The following XYLT1 variants were observed in gnomAD, a reference collection of about 807,000 sequenced individuals.
XYLT1 encodes xylosyltransferase 1.
XYLT1 carries 36 observed loss-of-function variants against 91.3 expected under a neutral mutation model. The ratio of observed to expected loss-of-function variants is 0.39; its 90% CI spans 0.30 to 0.52. XYLT1 has a LOEUF of 0.52. Among genes scored for constraint, XYLT1 ranks in the 20% least tolerant of loss-of-function variants. The pLI is 0.68. For synonymous variants in XYLT1, 588 were observed against 532.0 expected (o/e 1.11, Z -1.45); for missense variants, 1,242 against 1,284.5 (o/e 0.97, Z 0.51).
intron 1 of XYLT1, among the ~76,000 whole-genome samples, chr16:17,424,938 A>C (rs1185102738): frequency 6.6e-6 from 1 of 151,506 alleles, no homozygotes; most frequent in Non-Finnish European, 1.5e-5. Flanking sequence ...AGGTACAGAC[A>C]TCACCACCAC....
At chr16:17,194,529 A>G (rs1218856017) in intron 5 of XYLT1, among the ~76,000 whole-genome samples, 1 of 152,094 alleles carries the variant, frequency 6.6e-6, no homozygotes, top group Non-Finnish European at 1.5e-5. Flanking sequence ...AGCCCCTAAG[A>G]CTGAGGAACA....
intron 1 of XYLT1, among the ~76,000 whole-genome samples, chr16:17,442,008 T>C (rs377548175): frequency 6.6e-6 from 1 of 151,696 alleles, no homozygotes; most frequent in East Asian, 2.0e-4. Context: ...GAGATTAACA[T>C]TTGCACTGGT....
intron 1 of XYLT1, among the ~76,000 whole-genome samples, chr16:17,376,364 C>T (rs2035601539): frequency 6.6e-6 from 1 of 152,186 alleles, no homozygotes; most frequent in Non-Finnish European, 1.5e-5. Context: ...CAGAGGTAGG[C>T]CAACCACAGC....
chr16:17,470,920 G>GGCTGCCGCTCGGGCT lies in XYLT1; in HGVS notation c.-125_-124insAGCCCGAGCGGCAGC. Reference sequence around the variant, plus strand: ...GGCTCCCGCTCGGGCCGCCGCCGCCGCCCCCCTCCCCACACCCCTGTCCCC... The same window carrying GGCTGCCGCTCGGGCT: ...GGCTCCCGCTCGGGCCGCCGCCGCCGGCTGCCGCTCGGGCTCCCCCCTCCCCACACCCCTGTCCCC... On this transcript the variant is annotated 5_prime_UTR_variant, in exon 1 of 12. Coordinates refer to ENST00000261381, the MANE Select transcript of XYLT1 (RefSeq NM_022166.4). 1 of 2 alleles carries GGCTGCCGCTCGGGCT rather than the reference G, an allele frequency of 0.5. No individual in the cohort carries two copies. The highest frequency in any genetic ancestry group is 0.5 in the Non-Finnish European group (1 of 2). The allele number at this position is 2 out of a possible 1,614,324, so 0.0% of individuals were successfully genotyped here. A position where few individuals can be genotyped will look rare whatever the true frequency, so the allele number is the denominator to read the frequency against.
At chr16:17,333,693 T>C (rs1309866142) in intron 2 of XYLT1, among the ~76,000 whole-genome samples, 1 of 150,592 alleles carries the variant, frequency 6.6e-6, no homozygotes, top group African/African-American at 2.4e-5. Flanking sequence ...GTTCAAGCAA[T>C]TCTCCTGCCC....
intron 8 of XYLT1, among the ~76,000 whole-genome samples, chr16:17,135,693 T>TG (rs2030691681): frequency 6.6e-6 from 1 of 152,154 alleles, no homozygotes; most frequent in African/African-American, 2.4e-5. Flanking sequence ...AGCAAGTCAC[T>TG]ATCAGAGATG....
chr16:17,278,732 T>C (rs1462145077), intron 2 of XYLT1, among the ~76,000 whole-genome samples: 1 of 151,906 alleles, frequency 6.6e-6, no homozygotes. Flanking sequence ...TATTATCCGA[T>C]GAGATAGAAA....
intron 3 of XYLT1, among the ~76,000 whole-genome samples, chr16:17,212,623 A>AC (rs1025961149): frequency 6.0e-5 from 9 of 150,654 alleles, no homozygotes; most frequent in African/African-American, 2.2e-4. Flanking sequence ...GTCTCCCTCC[A>AC]CCCCCGACCA....
chr16:17,118,017 G>C (rs761669636), intron 10 of XYLT1, 38 bp from the exon 11 acceptor site: 3 of 1,574,574 alleles, frequency 1.9e-6, no homozygotes, highest in Non-Finnish European at 2.6e-6. Flanking sequence ...CACTGGGCCT[G>C]AACTAGGGGG....
At chr16:17,367,939 G>A (rs191272756) in intron 1 of XYLT1, among the ~76,000 whole-genome samples, 2 of 152,220 alleles carry the variant, frequency 1.3e-5, no homozygotes. Flanking sequence ...ACCAAATCTG[G>A]AGTTCATCCC....
chr16:17,448,710 G>A (rs1348863570), intron 1 of XYLT1, among the ~76,000 whole-genome samples: 2 of 79,498 alleles, frequency 2.5e-5, no homozygotes, highest in Non-Finnish European at 4.9e-5. Flanking sequence ...GAAGAGGGGG[G>A]AGGAGGAAGA....
intron 11 of XYLT1, among the ~76,000 whole-genome samples, chr16:17,115,066 G>T (rs936362107): frequency 2.0e-5 from 3 of 152,020 alleles, no homozygotes; most frequent in Non-Finnish European, 2.9e-5. Context: ...GGATGGTCTC[G>T]ATCTCCTGAC....
At chr16:17,291,859 G>A (rs548206144) in intron 2 of XYLT1, among the ~76,000 whole-genome samples, 32 of 152,152 alleles carry the variant, frequency 2.1e-4, no homozygotes, top group African/African-American at 7.2e-4. Flanking sequence ...GTGTGGGGAC[G>A]AGGTGTGGTA....
At chr16:17,272,252 C>G (rs2033908208) in intron 2 of XYLT1, among the ~76,000 whole-genome samples, 1 of 148,342 alleles carries the variant, frequency 6.7e-6, no homozygotes, top group African/African-American at 2.5e-5. Context: ...ACCTCGGCCT[C>G]CAAGGTTCAA....
chr16:17,180,345 C>T (rs1292799521), intron 5 of XYLT1, among the ~76,000 whole-genome samples: 1 of 152,264 alleles, frequency 6.6e-6, no homozygotes, highest in African/African-American at 2.4e-5. Context: ...TTGTTGGAAA[C>T]TTCCCCAGGG....
chr16:17,388,972 G>A (rs1341379384), intron 1 of XYLT1, among the ~76,000 whole-genome samples: 1 of 152,178 alleles, frequency 6.6e-6, no homozygotes, highest in African/African-American at 2.4e-5. Flanking sequence ...TCCTTTATAA[G>A]GTAACAAATG....
intron 1 of XYLT1, among the ~76,000 whole-genome samples, chr16:17,403,275 C>T (rs1475546178): frequency 6.6e-6 from 1 of 152,154 alleles, no homozygotes; most frequent in Non-Finnish European, 1.5e-5. Context: ...AAAGGGCAGG[C>T]GTCTTGCCCA....
At chr16:17,345,108 C>G (rs1355359660) in intron 2 of XYLT1, among the ~76,000 whole-genome samples, 1 of 152,188 alleles carries the variant, frequency 6.6e-6, no homozygotes, top group Non-Finnish European at 1.5e-5. Context: ...AAGGGGCCAG[C>G]TGTTGGCCCG....
intron 5 of XYLT1, among the ~76,000 whole-genome samples, chr16:17,188,308 C>T (rs2032233078): frequency 6.6e-6 from 1 of 152,182 alleles, no homozygotes; most frequent in African/African-American, 2.4e-5. Flanking sequence ...TCCCCTAAAA[C>T]CTCACCGCTC....
Sources: allele counts gnomAD v4.1 joint callset (sites outside exome capture counted in the v4.1 genomes callset), GRCh38; gene constraint gnomAD v4.1.1; transcripts MANE v1.5; gene names NCBI Gene and HGNC (gene_info 2026-07-23, HGNC 2026-07-21).